The following PSD3 variants were observed in gnomAD, a reference collection of about 807,000 sequenced individuals.
PSD3 encodes pleckstrin and Sec7 domain containing 3, also known as PH and SEC7 domain-containing protein 3.
A neutral mutation model predicts 105.5 loss-of-function variants in PSD3; 49 were observed. The ratio of observed to expected loss-of-function variants is 0.46; its 90% CI spans 0.37 to 0.59. The LOEUF (loss-of-function observed/expected upper bound fraction) is 0.59. Among genes scored for constraint, PSD3 ranks in the 20% least tolerant of loss-of-function variants. The pLI is 0.00. For missense variants in PSD3, 1,561 were observed against 1,263.8 expected, an observed-to-expected ratio of 1.24 and a Z score of -3.57; for synonymous variants, 557 against 457.8, an observed-to-expected ratio of 1.22 and a Z score of -2.77.
At chr8:18,676,900 G>A (rs985648851) in intron 9 of PSD3, among the ~76,000 whole-genome samples, 1 of 152,146 alleles carries the variant, frequency 6.6e-6, no homozygotes, top group Non-Finnish European at 1.5e-5. Context: ...AAATCTGCTC[G>A]GCTCCATGTT....
At position 18,983,327 on chromosome 8, in the gene PSD3, C is replaced by T. The variant is rs571259878; in HGVS notation, c.21+30236G>A. On this transcript the variant is annotated intron_variant, in intron 1 of 15. Transcript: ENST00000327040. ...GATTTGCTCCATATCAGCAATAAGG[C>T]TTCTGCTTTCTTATCTTTCACATAT... Among the ~76,000 whole-genome samples, 9 of 152,316 alleles carry T rather than the reference C, an allele frequency of 5.9e-5. No homozygotes were observed. In the East Asian group the frequency reaches 1.3e-3, roughly 23 times the overall value.
chr8:18,642,323 C>G (rs960115348), intron 10 of PSD3, among the ~76,000 whole-genome samples: 1 of 152,098 alleles, frequency 6.6e-6, no homozygotes, highest in Non-Finnish European at 1.5e-5. Context: ...TAAATTTTCT[C>G]ACCTTTAAAA....
chr8:18,580,505 G>A (rs1323860574), intron 12 of PSD3, among the ~76,000 whole-genome samples: 1 of 152,020 alleles, frequency 6.6e-6, no homozygotes, highest in Non-Finnish European at 1.5e-5. Context: ...AACTGTGATC[G>A]CACCACTGTG....
chr8:18,683,476 A>G (rs1563168719), intron 9 of PSD3, among the ~76,000 whole-genome samples: 1 of 152,198 alleles, frequency 6.6e-6, no homozygotes, highest in East Asian at 1.9e-4. Context: ...TCTGAGACCA[A>G]AAACAAGATC....
intron 4 of PSD3, among the ~76,000 whole-genome samples, chr8:18,834,191 G>C (rs1361953598): frequency 1.3e-5 from 2 of 152,106 alleles, no homozygotes; most frequent in East Asian, 3.9e-4. Context: ...AAATATATTT[G>C]AATGTATAAT....
At chr8:18,590,277 C>T (rs1803500002) in intron 12 of PSD3, among the ~76,000 whole-genome samples, 1 of 152,006 alleles carries the variant, frequency 6.6e-6, no homozygotes, top group South Asian at 2.1e-4. Context: ...GTGGTGCAAG[C>T]GTGCATACCA....
intron 11 of PSD3, among the ~76,000 whole-genome samples, chr8:18,614,672 T>G (rs993428735): frequency 1.3e-5 from 2 of 152,148 alleles, no homozygotes; most frequent in Admixed American, 6.5e-5. Context: ...TATACATATT[T>G]TTTTCTTTTG....
intron 9 of PSD3, among the ~76,000 whole-genome samples, chr8:18,706,157 G>C (rs1563186332): frequency 6.6e-6 from 1 of 152,156 alleles, no homozygotes; most frequent in Non-Finnish European, 1.5e-5. Flanking sequence ...CCAACGAGAA[G>C]ACGCTTAGAG....
chr8:18,871,527 C>G, intron 3 of PSD3, 99 bp downstream of exon 3: 4 of 1,435,772 alleles, frequency 2.8e-6, no homozygotes, highest in Non-Finnish European at 3.7e-6. Flanking sequence ...AACAAGAACC[C>G]AAGGTATTGT....
chr8:18,728,709 G>C (rs1803510026), intron 9 of PSD3, among the ~76,000 whole-genome samples: 1 of 152,142 alleles, frequency 6.6e-6, no homozygotes, highest in Admixed American at 6.5e-5. Context: ...GTTATGTGAA[G>C]TCATGCATAA....
chr8:18,911,815 AGTC>A (rs1820243162), intron 2 of PSD3, among the ~76,000 whole-genome samples: 1 of 152,166 alleles, frequency 6.6e-6, no homozygotes, highest in South Asian at 2.1e-4. Flanking sequence ...ACACATCACT[AGTC>A]ATCATGAACA....
Position 19,054,549 on chromosome 8 carries a change from C to T in PSD3, c.324+29657G>A, listed in dbSNP as rs937525246. ...GATTCAACTTATTTACTTATTTTTA[C>T]CATCTCCATTTTCTTCCCCACATCT... On this transcript the variant is annotated intron_variant, in intron 1 of 1. Coordinates refer to the PSD3 transcript ENST00000521475. Among the ~76,000 whole-genome samples, 10 of 152,262 alleles carry T rather than the reference C, an allele frequency of 6.6e-5. No homozygotes were observed. In the South Asian group the frequency reaches 2.1e-3, roughly 32 times the overall value.
At chr8:18,919,429 C>T (rs1820844027) in intron 2 of PSD3, among the ~76,000 whole-genome samples, 1 of 152,112 alleles carries the variant, frequency 6.6e-6, no homozygotes, top group Non-Finnish European at 1.5e-5. Context: ...CCAAGGACTA[C>T]CTGAATCGGG....
At chr8:19,022,364 G>C (rs1485012943) in intron 1 of PSD3, among the ~76,000 whole-genome samples, 1 of 152,190 alleles carries the variant, frequency 6.6e-6, no homozygotes, top group Admixed American at 6.5e-5. Flanking sequence ...TCTTCCTGCT[G>C]AGCCTTGCCC....
chr8:18,606,838 TAAC>T (rs1430824911), intron 11 of PSD3, among the ~76,000 whole-genome samples: 1 of 152,244 alleles, frequency 6.6e-6, no homozygotes, highest in Non-Finnish European at 1.5e-5. Context: ...AGTGTTGGGC[TAAC>T]GTTATACCTA....
intron 1 of PSD3, among the ~76,000 whole-genome samples, chr8:18,981,588 G>T (rs1013204110): frequency 6.6e-6 from 1 of 152,152 alleles, no homozygotes; most frequent in African/African-American, 2.4e-5. Context: ...TGGAGATTGT[G>T]TGGGTTCAAT....
At chr8:18,771,222 G>A (rs1233629936) in intron 8 of PSD3, among the ~76,000 whole-genome samples, 1 of 152,298 alleles carries the variant, frequency 6.6e-6, no homozygotes, top group African/African-American at 2.4e-5. Flanking sequence ...CAGGAAATCA[G>A]GGATGTAAGT....
intron 9 of PSD3, among the ~76,000 whole-genome samples, chr8:18,679,248 G>C (rs748323360): frequency 4.6e-5 from 7 of 152,330 alleles, no homozygotes; most frequent in Non-Finnish European, 1.5e-5. Context: ...GTTTCTTTGT[G>C]TATAGCTTTA....
At position 18,566,351 on chromosome 8, in the gene PSD3, C is replaced by A. The variant is rs568491185; in HGVS notation, c.2784+6177G>T. On this transcript the variant is annotated intron_variant, in intron 14 of 15. Coordinates refer to ENST00000327040, the MANE Select transcript of PSD3 (RefSeq NM_015310.4). ...ACCATCATTGCTAACACGGTGAAAC[C>A]TTATCTCTACTAAAAATACGAAAAA... Among the ~76,000 whole-genome samples, 14 of 151,994 alleles carry A rather than the reference C, an allele frequency of 9.2e-5. No homozygotes were observed. In the East Asian group the frequency reaches 2.7e-3, roughly 29 times the overall value.
Sources: allele counts gnomAD v4.1 joint callset (sites outside exome capture counted in the v4.1 genomes callset), GRCh38; gene constraint gnomAD v4.1.1; transcripts MANE v1.5; gene names NCBI Gene and HGNC (gene_info 2026-07-23, HGNC 2026-07-21).